The following EMILIN2 variants were observed in gnomAD, a reference collection of about 807,000 sequenced individuals.
EMILIN2 encodes the protein EMILIN-2.
A neutral mutation model predicts 87.1 loss-of-function variants in EMILIN2; 71 were observed. The observed-to-expected ratio is 0.82, with a 90% CI of 0.67 to 0.99. The LOEUF (loss-of-function observed/expected upper bound fraction) is 0.99. EMILIN2 is among the 50% of genes least tolerant of loss of function. The pLI, the probability that EMILIN2 is intolerant of heterozygous loss-of-function variation, is 0.00. For synonymous variants in EMILIN2, 581 were observed against 563.4 expected, an observed-to-expected ratio of 1.03 and a Z score of -0.44; for missense variants, 1,407 against 1,371.8, an observed-to-expected ratio of 1.03 and a Z score of -0.40.
rs147111646 is a variant in EMILIN2 at position 2,853,358 on chromosome 18, G to A, written c.257+5427G>A. Reference sequence around the variant, plus strand: ...GCGATCGCCCGTCAGTGTGGTGGACGCAGCCTCTGAATCTGGACTCTCCGG... The same window carrying A: ...GCGATCGCCCGTCAGTGTGGTGGACACAGCCTCTGAATCTGGACTCTCCGG... On this transcript the variant is annotated intron_variant, in intron 2 of 7. Coordinates refer to ENST00000254528, the MANE Select transcript of EMILIN2 (RefSeq NM_032048.3). 4.4e-3 allele frequency among the ~76,000 whole-genome samples: 677 copies of A among 152,244 alleles called. 7 individuals are homozygous for A. The highest frequency in any genetic ancestry group is 0.015 in the African/African-American group (636 of 41,532).
At chr18:2,859,553 T>C (rs530353648) in intron 2 of EMILIN2, among the ~76,000 whole-genome samples, 1 of 152,360 alleles carries the variant, frequency 6.6e-6, no homozygotes, top group African/African-American at 2.4e-5. Flanking sequence ...CCTTTTGCCT[T>C]GCAAAAGCTC....
At chr18:2,893,524 GTGAA>G (rs2076849752) in intron 4 of EMILIN2, among the ~76,000 whole-genome samples, 2 of 152,316 alleles carry the variant, frequency 1.3e-5, no homozygotes, top group South Asian at 4.1e-4. Flanking sequence ...ATGAATGAAT[GTGAA>G]TGAATGAATA....
At chr18:2,854,310 C>A (rs929218922) in intron 2 of EMILIN2, among the ~76,000 whole-genome samples, 7 of 152,142 alleles carry the variant, frequency 4.6e-5, no homozygotes, top group Admixed American at 6.5e-5. Flanking sequence ...GTGGGGCCAA[C>A]ACACAGAGCC....
At chr18:2,905,884 A>G (rs987281345) in intron 4 of EMILIN2, among the ~76,000 whole-genome samples, 71 of 149,890 alleles carry the variant, frequency 4.7e-4, no homozygotes, top group African/African-American at 1.5e-3. Flanking sequence ...TCGGCCTCCC[A>G]AAGTGCTGGG....
chr18:2,873,928 T>C (rs1476564535), intron 2 of EMILIN2, among the ~76,000 whole-genome samples: 1 of 152,132 alleles, frequency 6.6e-6, no homozygotes. Context: ...CCACTCTGGG[T>C]TGGCCGTGGT....
intron 2 of EMILIN2, among the ~76,000 whole-genome samples, chr18:2,853,015 G>A (rs1486904755): frequency 6.6e-6 from 1 of 152,138 alleles, no homozygotes; most frequent in Non-Finnish European, 1.5e-5. Flanking sequence ...TGGCTCAATA[G>A]AATCTGAGGA....
chr18:2,893,059 TAAAC>T (rs1268401088), intron 4 of EMILIN2, among the ~76,000 whole-genome samples: 13 of 151,890 alleles, frequency 8.6e-5, no homozygotes, highest in South Asian at 2.1e-4. Flanking sequence ...CTCAAATAAA[TAAAC>T]AAACAACATT....
In EMILIN2 at chr18:2,890,661, A is replaced by G; in HGVS notation, c.534A>G (p.Glu178=). The G allele has an allele frequency of 1.2e-6, 2 of 1,614,104 alleles. No individual in the cohort carries two copies. Among genetic ancestry groups the G allele is most frequent in the Non-Finnish European group, 8.5e-7 (1 of 1,179,976 alleles). Residue 178 remains glutamate (E), a synonymous_variant, in exon 4 of 8, where the codon GAA becomes GAG. Coordinates refer to ENST00000254528, the MANE Select transcript of EMILIN2 (RefSeq NM_032048.3). The surrounding 1 kb of genome is among the most constrained non-coding windows in gnomAD (Gnocchi z 4.7). ...TAGATCCAAAAGAGGGGCCTCAGGA[A>G]CTTCAGGAAAAGAAGATACAGGTGC... ...WGVDPKEGPQ[E]LQEKKIQVLE...
intron 2 of EMILIN2, among the ~76,000 whole-genome samples, chr18:2,854,371 C>T (rs895639768): frequency 6.6e-6 from 1 of 152,104 alleles, no homozygotes; most frequent in Non-Finnish European, 1.5e-5. Context: ...TGTTGAGTTC[C>T]GTGGAGTTCA....
chr18:2,861,263 T>C (rs1471459556), intron 2 of EMILIN2, among the ~76,000 whole-genome samples: 1 of 152,226 alleles, frequency 6.6e-6, no homozygotes, highest in African/African-American at 2.4e-5. Flanking sequence ...CAATTTTGGC[T>C]TTTGTTGCCA....
At position 2,891,242 on chromosome 18, in the gene EMILIN2, A is replaced by C. The variant is rs2076834817; in HGVS notation, c.1115A>C (p.Lys372Thr). The C allele has an allele frequency of 6.2e-7, 1 of 1,614,114 alleles. No individual in the cohort carries two copies. The change falls in exon 4 of 8, where the codon AAG becomes ACG. Residue 372 changes from lysine to threonine, a missense_variant. Coordinates refer to ENST00000254528, the MANE Select transcript of EMILIN2 (RefSeq NM_032048.3). This position sits in a 1 kb window ranked among gnomAD's most constrained non-coding sequence, Gnocchi z 4.6. ...YLGVIELIGEKETSLRKEINN... is the reference protein window; with the variant it reads ...YLGVIELIGETETSLRKEINN... ...GGAGTGATAGAGCTCATAGGGGAGA[A>C]GGAAACAAGCCTGAGAAAAGAAATA...
intron 2 of EMILIN2, among the ~76,000 whole-genome samples, chr18:2,874,567 C>T (rs1168484074): frequency 6.6e-6 from 1 of 152,148 alleles, no homozygotes; most frequent in African/African-American, 2.4e-5. Context: ...CCAGAAACAC[C>T]ATGCCCCTTC....
upstream of EMILIN2, chr18:2,846,886 G>A: frequency 1.0e-6 from 1 of 988,796 alleles, no homozygotes; most frequent in Non-Finnish European, 1.2e-6. The surrounding 1 kb of genome is among the most constrained non-coding windows in gnomAD (Gnocchi z 5.3). Flanking sequence ...CTGGAGACGG[G>A]GAGACTTGGT....
At chr18:2,875,965 GA>G (rs1217056959) in intron 2 of EMILIN2, among the ~76,000 whole-genome samples, 2 of 147,854 alleles carry the variant, frequency 1.4e-5, no homozygotes, top group African/African-American at 5.0e-5. Flanking sequence ...ACTGAGAAGT[GA>G]AAAGGATTTT....
intron 4 of EMILIN2, among the ~76,000 whole-genome samples, chr18:2,903,721 C>T (rs982823840): frequency 6.6e-6 from 1 of 152,174 alleles, no homozygotes; most frequent in Non-Finnish European, 1.5e-5. Context: ...CCTTCAACAG[C>T]CTCTTAATAC....
chr18:2,887,259 G>GT (rs1177387527), intron 3 of EMILIN2, among the ~76,000 whole-genome samples: 17 of 152,050 alleles, frequency 1.1e-4, no homozygotes, highest in Non-Finnish European at 1.8e-4. Context: ...ACTTGAGTAG[G>GT]TTTTTTTGTC....
Position 2,913,077 on chromosome 18 carries a change from G to A in EMILIN2, c.2835G>A (p.Thr945=), listed in dbSNP as rs749194314. ...CCTTTCTCCCCGCAGGGGTCTTCACGGCTCCTTATGATGGGCGCTACCTGA... is the reference window on the plus strand; with the variant it reads ...CCTTTCTCCCCGCAGGGGTCTTCACAGCTCCTTATGATGGGCGCTACCTGA... ...DVYNPSTGVF[T]APYDGRYLIT... The change falls in exon 8 of 8, where the codon ACG becomes ACA. Residue 945 remains threonine (T), a synonymous_variant. Transcript: ENST00000254528. 9.9e-6 allele frequency: 16 copies of A among 1,609,470 alleles called. No homozygotes were observed. The highest frequency in any genetic ancestry group is 5.3e-5 in the African/African-American group (4 of 74,876).
intron 2 of EMILIN2, among the ~76,000 whole-genome samples, chr18:2,870,155 C>A (rs891956147): frequency 6.6e-6 from 1 of 152,098 alleles, no homozygotes; most frequent in Non-Finnish European, 1.5e-5. Context: ...GTGGGAGGAT[C>A]GCTTGGGCTG....
rs1267204370 is a variant in EMILIN2 at position 2,847,355 on chromosome 18, G to A, written c.134+33G>A. On this transcript the variant is annotated intron_variant, in intron 1 of 7. Coordinates refer to ENST00000254528, the MANE Select transcript of EMILIN2 (RefSeq NM_032048.3). The surrounding 1 kb of genome is among the most constrained non-coding windows in gnomAD (Gnocchi z 4.5). ...CGCGCCCCTTGGCTGGCCCCAAACCGCCTACCCCTCCCCGGCCCCCAGTTG... is the reference window on the plus strand; with the variant it reads ...CGCGCCCCTTGGCTGGCCCCAAACCACCTACCCCTCCCCGGCCCCCAGTTG... The A allele has an allele frequency of 7.8e-7, 1 of 1,287,632 alleles. No individual in the cohort carries two copies. The highest frequency in any genetic ancestry group is 3.2e-5 in the East Asian group (1 of 30,798). The allele number at this position is 1,287,632 out of a possible 1,614,324, so 79.8% of individuals were successfully genotyped here. A position where few individuals can be genotyped will look rare whatever the true frequency, so the allele number is the denominator to read the frequency against.
Sources: allele counts gnomAD v4.1 joint callset (sites outside exome capture counted in the v4.1 genomes callset), GRCh38; gene constraint gnomAD v4.1.1; non-coding constraint Gnocchi (gnomAD v3.1); transcripts MANE v1.5; gene names NCBI Gene and HGNC (gene_info 2026-07-23, HGNC 2026-07-21).